Variants in CNTN3 observed in about 807,000 individuals in gnomAD.
CNTN3 encodes contactin 3, also known as contactin-3.
A neutral mutation model predicts 119.1 loss-of-function variants in CNTN3; 60 were observed. That is an observed-to-expected ratio of 0.50 (90% CI 0.41 to 0.62). The LOEUF is 0.62. Ranked by LOEUF, CNTN3 falls within the 20% of genes least tolerant of loss-of-function variation. The pLI is 0.00. For missense variants in CNTN3, 1,101 were observed against 1,242.4 expected, an observed-to-expected ratio of 0.89 and a Z score of 1.71; for synonymous variants, 450 against 438.7, an observed-to-expected ratio of 1.03 and a Z score of -0.32.
chr3:74,335,494 T>A (rs1024187436), intron 12 of CNTN3, among the ~76,000 whole-genome samples: 3 of 152,130 alleles, frequency 2.0e-5, no homozygotes, highest in African/African-American at 7.2e-5. Context: ...TATCATGAAT[T>A]AAAATTCTCT....
intron 4 of CNTN3, among the ~76,000 whole-genome samples, chr3:74,428,627 A>C (rs1379462278): frequency 6.6e-6 from 1 of 152,226 alleles, no homozygotes; most frequent in African/African-American, 2.4e-5. Flanking sequence ...TTATAAATAC[A>C]AATATTATAG....
At chr3:74,298,922 A>T (rs983601606) in intron 17 of CNTN3, among the ~76,000 whole-genome samples, 1 of 151,660 alleles carries the variant, frequency 6.6e-6, no homozygotes, top group African/African-American at 2.4e-5. Flanking sequence ...GTAAATACTA[A>T]TTTATAAATT....
chr3:74,270,993 T>G (rs1307970062), intron 20 of CNTN3, among the ~76,000 whole-genome samples: 3 of 152,182 alleles, frequency 2.0e-5, no homozygotes, highest in African/African-American at 7.2e-5. Flanking sequence ...CATAAAGAAA[T>G]AACTTTCTCT....
intron 6 of CNTN3, among the ~76,000 whole-genome samples, chr3:74,370,522 A>C (rs965519556): frequency 3.3e-5 from 5 of 152,152 alleles, no homozygotes; most frequent in African/African-American, 1.2e-4. Context: ...TACCAATCTT[A>C]AACTTATTAA....
chr3:74,311,182 T>C lies in CNTN3; in HGVS notation c.1669-8375A>G, dbSNP rs146801884. On this transcript the variant is annotated intron_variant, in intron 13 of 22. Transcript: ENST00000263665. ...GGCTCAGAGAGAATAAATTTATACC[T>C]CTCCCAGGAGAGTTGCTCCCAAAGA... 6.3e-3 allele frequency among the ~76,000 whole-genome samples: 959 copies of C among 152,220 alleles called. 11 individuals carry two copies. The highest frequency in any genetic ancestry group is 0.022 in the African/African-American group (918 of 41,530).
At chr3:74,386,022 A>G (rs72896189) in intron 5 of CNTN3, among the ~76,000 whole-genome samples, 303 of 152,302 alleles carry the variant, frequency 2.0e-3, no homozygotes, top group African/African-American at 7.1e-3. Flanking sequence ...GGAGGAAAGT[A>G]CTATTATCAT....
At chr3:74,400,317 G>C (rs952132355) in intron 5 of CNTN3, among the ~76,000 whole-genome samples, 4 of 152,074 alleles carry the variant, frequency 2.6e-5, no homozygotes, top group African/African-American at 9.7e-5. Context: ...TAACAGATGG[G>C]AACACCAAAG....
chr3:74,389,144 G>T (rs1042015679), intron 5 of CNTN3, among the ~76,000 whole-genome samples: 1 of 152,138 alleles, frequency 6.6e-6, no homozygotes, highest in African/African-American at 2.4e-5. Flanking sequence ...TATATGAGTA[G>T]ATATTTATAG....
At chr3:74,585,313 C>T (rs1006886116) in intron 1 of CNTN3, among the ~76,000 whole-genome samples, 1 of 152,014 alleles carries the variant, frequency 6.6e-6, no homozygotes, top group African/African-American at 2.4e-5. Context: ...ACGATCGAAA[C>T]AAAATTGAAG....
At chr3:74,332,092 T>C (rs1477178115) in intron 13 of CNTN3, among the ~76,000 whole-genome samples, 4 of 152,240 alleles carry the variant, frequency 2.6e-5, no homozygotes, top group Non-Finnish European at 5.9e-5. Context: ...TATCCACCTT[T>C]CTAGGCAACT....
chr3:74,365,731 G>T (rs551836900), intron 8 of CNTN3, 29 bp from the exon 9 acceptor site: 20 of 1,588,036 alleles, frequency 1.3e-5, no homozygotes, highest in South Asian at 9.2e-5. Flanking sequence ...AAAAAGAAAA[G>T]AAATTTAAAC....
chr3:74,459,515 C>T (rs1575747491), intron 4 of CNTN3, among the ~76,000 whole-genome samples: 1 of 151,992 alleles, frequency 6.6e-6, no homozygotes, highest in African/African-American at 2.4e-5. Flanking sequence ...CGCCTATCTT[C>T]GAAGTCTCAG....
At chr3:74,445,886 C>T (rs1156524663) in intron 4 of CNTN3, among the ~76,000 whole-genome samples, 1 of 152,110 alleles carries the variant, frequency 6.6e-6, no homozygotes, top group African/African-American at 2.4e-5. Flanking sequence ...GGGGCTGCCA[C>T]GTAGGACTTC....
chr3:74,320,228 T>C (rs1164317472), intron 13 of CNTN3, among the ~76,000 whole-genome samples: 3 of 152,208 alleles, frequency 2.0e-5, no homozygotes, highest in Non-Finnish European at 4.4e-5. Context: ...CGTGTGTTTA[T>C]TGCAGCACTA....
chr3:74,302,750 C>G lies in CNTN3; in HGVS notation c.1726G>C (p.Val576Leu). Residue 576 changes from valine (V) to leucine (L), a missense_variant, in exon 14 of 23, where the codon GTT (valine) becomes CTT (leucine). Transcript: ENST00000263665. Reference sequence around the variant, plus strand: ...TCCACCCCCGTTTGCACCATACAAACATATTTCCCACTGTGTTTCAGCTGA... The same window carrying G: ...TCCACCCCCGTTTGCACCATACAAAGATATTTCCCACTGTGTTTCAGCTGA... ...NIQLKHSGKY[V>L]CMVQTGVDSV... is the part of the protein sequence containing the mutation. The G allele has an allele frequency of 6.2e-7, 1 of 1,613,294 alleles. No individual in the cohort carries two copies. The highest frequency in any genetic ancestry group is 8.5e-7 in the Non-Finnish European group (1 of 1,179,568).
chr3:74,597,154 C>T (rs9839154), intron 1 of CNTN3, among the ~76,000 whole-genome samples: 22,348 of 152,042 alleles, frequency 0.15, 3,635 homozygotes, highest in African/African-American at 0.4. Flanking sequence ...TTTGTTAATG[C>T]ATATTGTTTG....
chr3:74,597,932 A>G (rs1208572299), intron 1 of CNTN3, among the ~76,000 whole-genome samples: 3 of 152,072 alleles, frequency 2.0e-5, no homozygotes, highest in Non-Finnish European at 4.4e-5. Flanking sequence ...AAAACTTCCT[A>G]CTACCCATAA....
In CNTN3 at chr3:74,456,048, C is replaced by T. The variant is rs942042242; in HGVS notation, c.358+30408G>A. On this transcript the variant is annotated intron_variant, in intron 4 of 22. Transcript: ENST00000263665. ...AGATGCCCTAAAACAGAATAATCTC[C>T]AAAACTGTAAGGTGCTGAGCACTCT... Among the ~76,000 whole-genome samples the T allele has an allele frequency of 2.0e-5, 3 of 151,976 alleles. 1 individual carries two copies. In the South Asian group the frequency reaches 6.2e-4, roughly 31 times the overall value.
intron 5 of CNTN3, 46 bp from the exon 6 acceptor site, chr3:74,371,445 A>G: frequency 7.1e-7 from 1 of 1,416,610 alleles, no homozygotes; most frequent in South Asian, 1.2e-5. Context: ...CATTAAGGAC[A>G]GTTTTCCATT....
Sources: gnomAD v4.1 joint callset for allele counts (sites outside exome capture counted in the v4.1 genomes callset) on GRCh38, gnomAD v4.1.1 for gene constraint, MANE v1.5 for transcripts, NCBI Gene and HGNC (gene_info 2026-07-23, HGNC 2026-07-21) for gene names.